Variants in DIAPH3 observed in about 807,000 individuals in gnomAD.
DIAPH3 encodes the protein diaphanous related formin 3, also known as protein diaphanous homolog 3.
DIAPH3 carries 117 observed loss-of-function variants against 144.3 expected under a neutral mutation model. The observed-to-expected ratio is 0.81, with a 90% CI of 0.70 to 0.95. The LOEUF is 0.95. Among genes scored for constraint, DIAPH3 ranks in the 40% least tolerant of loss-of-function variants. DIAPH3 has a pLI of 0.00. For synonymous variants in DIAPH3, 519 were observed against 488.9 expected (o/e 1.06, Z -0.81); for missense variants, 1,421 against 1,412.7 (o/e 1.01, Z -0.09).
At position 59,870,749 on chromosome 13, in the gene DIAPH3, C is replaced by G. The variant is rs201048432; in HGVS notation, c.2607+8480G>C. ...GCAATGGCACGATCTCGGCTCACCA[C>G]AACCTCCGCTTCCCAGGTTCAAGCG... On this transcript the variant is annotated intron_variant, in intron 21 of 27. Coordinates refer to ENST00000400324, the MANE Select transcript of DIAPH3 (RefSeq NM_001042517.2). Among the ~76,000 whole-genome samples, 36 of 151,360 alleles carry G rather than the reference C, an allele frequency of 2.4e-4. No individual in the cohort carries two copies. In the East Asian group the frequency reaches 6.2e-3, roughly 26 times the overall value.
At chr13:59,816,130 A>G (rs181578938) in intron 24 of DIAPH3, among the ~76,000 whole-genome samples, 2 of 152,258 alleles carry the variant, frequency 1.3e-5, no homozygotes, top group Admixed American at 1.3e-4. Context: ...TCTAATATTA[A>G]GCCATACTTT....
intron 13 of DIAPH3, among the ~76,000 whole-genome samples, chr13:59,981,803 T>C (rs1341300162): frequency 6.6e-6 from 1 of 151,476 alleles, no homozygotes; most frequent in Non-Finnish European, 1.5e-5. Context: ...ATTATTTTGG[T>C]GGTTAGTTTC....
intron 27 of DIAPH3, among the ~76,000 whole-genome samples, chr13:59,668,056 C>T (rs559814727): frequency 1.3e-5 from 2 of 152,222 alleles, no homozygotes; most frequent in Non-Finnish European, 1.5e-5. Flanking sequence ...CACCTTTTAG[C>T]TGCTGGAAGA....
intron 27 of DIAPH3, among the ~76,000 whole-genome samples, chr13:59,689,938 T>C (rs925818325): frequency 6.6e-6 from 1 of 152,014 alleles, no homozygotes; most frequent in Non-Finnish European, 1.5e-5. Flanking sequence ...ATCCAAATAA[T>C]GTTAAACACA....
chr13:59,905,408 A>T, intron 20 of DIAPH3, among the ~76,000 whole-genome samples: 1 of 151,376 alleles, frequency 6.6e-6, no homozygotes. Flanking sequence ...ACAATTTGAC[A>T]GTAACTAGCA....
chr13:60,112,288 T>C (rs1032144780), intron 2 of DIAPH3, 102 bp from the exon 3 acceptor site: 25 of 1,369,894 alleles, frequency 1.8e-5, no homozygotes, highest in African/African-American at 8.6e-5. Context: ...CGTGTTATCA[T>C]TGTGATTTCA....
At chr13:59,752,619 T>C (rs535362405) in intron 27 of DIAPH3, among the ~76,000 whole-genome samples, 14 of 152,276 alleles carry the variant, frequency 9.2e-5, no homozygotes, top group Admixed American at 9.2e-4. Context: ...CCCCATGTCT[T>C]GGACTTCCAA....
At chr13:59,683,620 T>C (rs1201610652) in intron 27 of DIAPH3, among the ~76,000 whole-genome samples, 1 of 152,108 alleles carries the variant, frequency 6.6e-6, no homozygotes, top group Non-Finnish European at 1.5e-5. Flanking sequence ...GAAGAGTTTA[T>C]AAAGGGTGCA....
At chr13:59,957,139 T>C (rs957868031) in intron 17 of DIAPH3, among the ~76,000 whole-genome samples, 1 of 152,174 alleles carries the variant, frequency 6.6e-6, no homozygotes, top group Non-Finnish European at 1.5e-5. Flanking sequence ...GTTAAGACTT[T>C]GGGAGACTGT....
intron 1 of DIAPH3, among the ~76,000 whole-genome samples, chr13:60,154,889 C>T (rs752997897): frequency 7.2e-5 from 11 of 152,152 alleles, no homozygotes; most frequent in Non-Finnish European, 1.6e-4. Context: ...ATACTATGTG[C>T]TAAGTTAAAG....
chr13:60,002,226 G>A (rs895456442), intron 9 of DIAPH3, among the ~76,000 whole-genome samples: 1 of 152,162 alleles, frequency 6.6e-6, no homozygotes, highest in South Asian at 2.1e-4. Flanking sequence ...GCAGGACTGA[G>A]GCAAATACTT....
intron 22 of DIAPH3, among the ~76,000 whole-genome samples, chr13:59,850,038 C>G (rs2139843587): frequency 7.0e-6 from 1 of 141,990 alleles, no homozygotes; most frequent in Non-Finnish European, 1.5e-5. Flanking sequence ...CTTCACATCC[C>G]TTGTAAGTTG....
In DIAPH3 at chr13:60,137,620, A is replaced by G. The variant is rs541037330; in HGVS notation, c.181-4631T>C. Among the ~76,000 whole-genome samples, 3 of 152,270 alleles carry G rather than the reference A, an allele frequency of 2.0e-5. No homozygotes were observed. In the South Asian group the frequency reaches 6.2e-4, roughly 32 times the overall value. ...TCTGTCCATTGATATCATTAGGAAC[A>G]TGACAGCCACCATCAGATTCAAGCC... On this transcript the variant is annotated intron_variant, in intron 1 of 27. Transcript: ENST00000400324.
chr13:60,039,837 C>A (rs2055503735), intron 5 of DIAPH3, among the ~76,000 whole-genome samples: 1 of 152,116 alleles, frequency 6.6e-6, no homozygotes, highest in Admixed American at 6.5e-5. Context: ...CATATCATAA[C>A]TAACAGGAAA....
At chr13:59,904,232 C>A (rs2046608786) in intron 20 of DIAPH3, among the ~76,000 whole-genome samples, 1 of 152,112 alleles carries the variant, frequency 6.6e-6, no homozygotes, top group African/African-American at 2.4e-5. Context: ...ATGTTAGGAA[C>A]TGCTTCATTT....
At chr13:59,969,916 T>TAATA in intron 17 of DIAPH3, 28 bp downstream of exon 17, 5 of 1,372,768 alleles carry the variant, frequency 3.6e-6, no homozygotes, top group Non-Finnish European at 5.1e-6. Flanking sequence ...AAAATCAAAT[T>TAATA]AATAAATAAT....
intron 14 of DIAPH3, among the ~76,000 whole-genome samples, chr13:59,978,289 T>A (rs780354812): frequency 9.9e-5 from 15 of 151,740 alleles, no homozygotes; most frequent in African/African-American, 2.7e-4. Flanking sequence ...GTCAACATAG[T>A]CACTCTCCCA....
intron 3 of DIAPH3, among the ~76,000 whole-genome samples, chr13:60,106,851 A>T (rs2058433793): frequency 6.6e-6 from 1 of 152,172 alleles, no homozygotes; most frequent in Non-Finnish European, 1.5e-5. Context: ...TACTTGCAAA[A>T]CTTAAAAAGT....
chr13:60,069,810 T>C (rs922431647), intron 4 of DIAPH3, among the ~76,000 whole-genome samples: 1 of 152,090 alleles, frequency 6.6e-6, no homozygotes, highest in South Asian at 2.1e-4. Context: ...ATTTCTCATT[T>C]CTCTAACTTG....
Sources: allele counts gnomAD v4.1 joint callset (sites outside exome capture counted in the v4.1 genomes callset), GRCh38; gene constraint gnomAD v4.1.1; transcripts MANE v1.5; gene names NCBI Gene and HGNC (gene_info 2026-07-23, HGNC 2026-07-21).